Variants in HSF4 observed in about 807,000 individuals in gnomAD.
HSF4 encodes the protein heat shock factor protein 4.
A neutral mutation model predicts 52.0 loss-of-function variants in HSF4; 41 were observed. The observed-to-expected ratio is 0.79, with a 90% CI of 0.61 to 1.02. HSF4 has a LOEUF of 1.02. Ranked by LOEUF, HSF4 falls within the 50% of genes least tolerant of loss-of-function variation. HSF4 has a pLI of 0.00. For synonymous variants in HSF4, 285 were observed against 273.0 expected (o/e 1.04, Z -0.43); for missense variants, 610 against 651.1 (o/e 0.94, Z 0.69).
chr16:67,166,609 G>T lies in HSF4; in HGVS notation c.613G>T (p.Gly205Cys). The T allele has an allele frequency of 1.2e-6, 2 of 1,613,894 alleles. No homozygotes were observed. Among genetic ancestry groups the T allele is most frequent in the Non-Finnish European group, 8.5e-7 (1 of 1,179,962 alleles). The change falls in exon 6 of 13, where the codon GGC becomes TGC. Residue 205 changes from glycine (G) to cysteine (C), a missense_variant. By Grantham distance (159) the Gly-to-Cys change is radical. Transcript: ENST00000521374. ...PLQAGPSNAGGKRKLSLMLDE... is the reference protein window; with the variant it reads ...PLQAGPSNAGCKRKLSLMLDE... Reference sequence around the variant, plus strand: ...TCAGGCGGGGCCGAGCAATGCAGGAGGCAAGAGAAAGCTGTGAGTGAGAAA... The same window carrying T: ...TCAGGCGGGGCCGAGCAATGCAGGATGCAAGAGAAAGCTGTGAGTGAGAAA...
At chr16:67,164,447 C>T (rs1438210147), upstream of HSF4, 1 of 502,452 alleles carries the variant, frequency 2.0e-6, no homozygotes, top group Admixed American at 2.3e-5. Context: ...CTAGGACTTG[C>T]CCAGCCCACA....
Position 67,169,058 on chromosome 16 carries a change from G to T in HSF4, c.1211G>T (p.Gly404Val). 6.2e-7 allele frequency: 1 copy of T among 1,613,872 alleles called. No individual in the cohort carries two copies. Among genetic ancestry groups the T allele is most frequent in the South Asian group, 1.1e-5 (1 of 91,082 alleles). Residue 404 changes from glycine (G) to valine (V), a missense_variant, in exon 11 of 13, where the codon GGG becomes GTG. Coordinates refer to ENST00000521374, the MANE Select transcript of HSF4 (RefSeq NM_001374675.1). This position sits in a 1 kb window ranked among gnomAD's most constrained non-coding sequence, Gnocchi z 4.3. The part of the protein sequence containing the change: ...PLDVLGPSLQ[G>V]REWTLMDLDM... ...CAGGTGCTGGGCCCCAGTCTCCAAG[G>T]GCGAGAATGGACCCTGATGGACTTG...
rs759827672 is a variant in HSF4, at chr16:67,165,599, C to T, written c.201C>T (p.Asn67=). 2.5e-6 allele frequency: 4 copies of T among 1,613,250 alleles called. No individual in the cohort carries two copies. The highest frequency in any genetic ancestry group is 2.2e-5 in the East Asian group (1 of 44,864). Residue 67 remains asparagine, a synonymous_variant, in exon 2 of 13, where the codon AAC becomes AAT. Coordinates refer to ENST00000521374, the MANE Select transcript of HSF4 (RefSeq NM_001374675.1). The surrounding 1 kb of genome is among the most constrained non-coding windows in gnomAD (Gnocchi z 6.9). ...TGCCCCAGTATTTCAAGCATAGCAA[C>T]ATGGCGAGCTTCGTGCGCCAACTCA... The part of the protein sequence containing the change: ...EVLPQYFKHS[N]MASFVRQLNM...
Position 67,164,924 on chromosome 16 carries a change from G to A in HSF4, c.113G>A (p.Arg38His), listed in dbSNP as rs1422995371. 1 of 1,606,030 alleles carries A rather than the reference G, an allele frequency of 6.2e-7. No individual in the cohort carries two copies. Among genetic ancestry groups the A allele is most frequent in the African/African-American group, 1.3e-5 (1 of 74,984 alleles). The change falls in exon 1 of 13, where the codon CGC becomes CAC. Residue 38 changes from arginine (R) to histidine (H), a missense_variant. Physicochemically the swap from Arg to His is conservative, Grantham distance 29. Transcript: ENST00000521374. ...VGDPGTDHLI[R>H]WSPSGTSFLV... ...GACCCAGGCACAGACCACCTGATCCGCTGGAGCCCGGTGAGGGCCGGGGCC... is the reference window on the plus strand; with the variant it reads ...GACCCAGGCACAGACCACCTGATCCACTGGAGCCCGGTGAGGGCCGGGGCC...
In HSF4 at chr16:67,167,544, G is replaced by T. The variant is rs749518885; in HGVS notation, c.799G>T (p.Glu267Ter). ...GGGCCCCATCATCTCTGACATCCCA[G>T]AAGACTCTCCATCCCCTGAGGGGAC... is the stretch of plus-strand genomic sequence containing the variant. ...ARGPIISDIPEDSPSPEGTRL... is the reference protein window; with the variant it reads ...ARGPIISDIP Residue 267 changes from glutamate (E) to a stop codon, truncating the protein, a stop_gained, in exon 8 of 13, where the codon GAA becomes TAA. Coordinates refer to ENST00000521374, the MANE Select transcript of HSF4 (RefSeq NM_001374675.1). LOFTEE classifies it high-confidence loss of function. 1.9e-6 allele frequency: 3 copies of T among 1,613,790 alleles called. No individual in the cohort carries two copies. The highest frequency in any genetic ancestry group is 2.5e-6 in the Non-Finnish European group (3 of 1,179,998).
rs762303535 is a variant in HSF4 at position 67,167,101 on chromosome 16, G to T, written c.627-19G>T. The T allele has an allele frequency of 5.6e-6, 9 of 1,613,942 alleles. No homozygotes were observed. The highest frequency in any genetic ancestry group is 5.3e-5 in the African/African-American group (4 of 74,914). On this transcript the variant is annotated intron_variant, in intron 6 of 12. Coordinates refer to ENST00000521374, the MANE Select transcript of HSF4 (RefSeq NM_001374675.1). ...CTGACCCTGCCCCACCCCTGCCTGT[G>T]CCCTGATCGACCACACAGGTCCCTG...
chr16:67,168,480 AAAAG>A (rs1002012001), intron 9 of HSF4, among the ~76,000 whole-genome samples: 11 of 152,204 alleles, frequency 7.2e-5, no homozygotes, highest in East Asian at 5.8e-4. Context: ...CAAAAAAAAG[AAAAG>A]AAAGAAAGAA....
In HSF4 at chr16:67,169,296, A is replaced by AG; in HGVS notation, c.1273dup (p.Glu425GlyfsTer4). ...TCACGCAGATGCAGCCCTTGGTTCC[A>AG]GAGCGGGGTGAGCCTGAGCTGGCGG... On this transcript the variant is annotated frameshift_variant, in exon 12 of 13. Coordinates refer to ENST00000521374, the MANE Select transcript of HSF4 (RefSeq NM_001374675.1). LOFTEE classifies it high-confidence loss of function. The surrounding 1 kb of genome is among the most constrained non-coding windows in gnomAD (Gnocchi z 4.3). The AG allele has an allele frequency of 6.2e-7, 1 of 1,613,682 alleles. No individual in the cohort carries two copies.
chr16:67,163,851 A>G, upstream of HSF4: 3 of 1,516,646 alleles, frequency 2.0e-6, no homozygotes, highest in Non-Finnish European at 2.6e-6. Flanking sequence ...GTCCCCGTGG[A>G]CGTAAGCGCT....
Position 67,169,230 on chromosome 16 carries a change from C to A in HSF4, c.1255-49C>A. ...TCACAGTGATTTCCCAGCTGTCCCC[C>A]TCAGCTGCTAGGTCCCCTCCCCAGC... On this transcript the variant is annotated intron_variant, in intron 11 of 12. Transcript: ENST00000521374. The surrounding 1 kb of genome is among the most constrained non-coding windows in gnomAD (Gnocchi z 4.3). 6.2e-7 allele frequency: 1 copy of A among 1,610,338 alleles called. No homozygotes were observed. Among genetic ancestry groups the A allele is most frequent in the East Asian group, 2.2e-5 (1 of 44,824 alleles).
rs2031228239 is a variant in HSF4, at chr16:67,165,788, T to C, written c.302T>C (p.Phe101Ser). ...LLRPERDHVE[F>S]QHPSFVRGRE... ...AGGCCGGAGCGCGACCACGTCGAGTTCCAGCACCCGAGCTTCGTGCGCGGC... is the reference window on the plus strand; with the variant it reads ...AGGCCGGAGCGCGACCACGTCGAGTCCCAGCACCCGAGCTTCGTGCGCGGC... Residue 101 changes from phenylalanine to serine, a missense_variant, in exon 3 of 13, where the codon TTC (phenylalanine) becomes TCC (serine). Phe to Ser is a radical substitution (Grantham distance 155, BLOSUM62 -2). Transcript: ENST00000521374. This position sits in a 1 kb window ranked among gnomAD's most constrained non-coding sequence, Gnocchi z 6.9. 3 of 1,609,724 alleles carry C rather than the reference T, an allele frequency of 1.9e-6. No individual in the cohort carries two copies. Among genetic ancestry groups the C allele is most frequent in the Non-Finnish European group, 2.5e-6 (3 of 1,179,612 alleles).
At position 67,164,775 on chromosome 16, in the gene HSF4, G is replaced by C; in HGVS notation, c.-37G>C. 6.4e-7 allele frequency: 1 copy of C among 1,571,048 alleles called. No individual in the cohort carries two copies. The highest frequency in any genetic ancestry group is 1.1e-5 in the South Asian group (1 of 87,982). ...CCGCGGCTTTGACGAGCCCGCAGCG[G>C]CCGGGCCCGAGCGCAGAGCCGGGCC... On this transcript the variant is annotated 5_prime_UTR_variant, in exon 1 of 13. Transcript: ENST00000521374.
In HSF4 at chr16:67,167,919, C is replaced by T; in HGVS notation, c.1054C>T (p.Pro352Ser). ...GCCCAGGAATGCCCAACAGCCTGAA[C>T]CAGGGGATCCCAGGGAGATACCTGA... is the stretch of plus-strand genomic sequence containing the variant. ...EGPRNAQQPEPGDPREIPDRG... is the reference protein window; with the variant it reads ...EGPRNAQQPESGDPREIPDRG... The change falls in exon 9 of 13, where the codon CCA (proline) becomes TCA (serine). Residue 352 changes from proline to serine, a missense_variant. Transcript: ENST00000521374. The T allele has an allele frequency of 3.8e-6, 6 of 1,597,910 alleles. No homozygotes were observed. Among genetic ancestry groups the T allele is most frequent in the Non-Finnish European group, 5.1e-6 (6 of 1,176,620 alleles).
upstream of HSF4, chr16:67,164,250 T>G: frequency 2.4e-6 from 1 of 423,854 alleles, no homozygotes; most frequent in Non-Finnish European, 4.6e-6. Context: ...GGAGGAGCCA[T>G]CCCGGCAGAG....
At position 67,164,941 on chromosome 16, in the gene HSF4, GCCGGGGCCCCTCGATTCCCCCTGTGGTC is replaced by G. The variant is rs904509587; in HGVS notation, c.123+14_123+41del. On this transcript the variant is annotated splice_region_variant and intron_variant, in intron 1 of 12. Coordinates refer to ENST00000521374, the MANE Select transcript of HSF4 (RefSeq NM_001374675.1). ...CCTGATCCGCTGGAGCCCGGTGAGGGCCGGGGCCCCTCGATTCCCCCTGTGGTCCCGGGGTCCCTCCACGTCAGTGAAC... is the reference window on the plus strand; with the variant it reads ...CCTGATCCGCTGGAGCCCGGTGAGGGCCGGGGTCCCTCCACGTCAGTGAAC... 1 of 1,599,938 alleles carries G rather than the reference GCCGGGGCCCCTCGATTCCCCCTGTGGTC, an allele frequency of 6.3e-7. No individual in the cohort carries two copies. Among genetic ancestry groups the G allele is most frequent in the Non-Finnish European group, 8.5e-7 (1 of 1,176,056 alleles).
At chr16:67,166,870 C>T (rs1027574886) in intron 6 of HSF4, among the ~76,000 whole-genome samples, 1 of 152,108 alleles carries the variant, frequency 6.6e-6, no homozygotes, top group Non-Finnish European at 1.5e-5. Context: ...CTTCCCCCTC[C>T]GGCAAGGCTT....
chr16:67,164,021 G>A (rs1018733039), upstream of HSF4: 40 of 766,020 alleles, frequency 5.2e-5, no homozygotes, highest in Admixed American at 4.2e-4. Flanking sequence ...CTCTGCAGAC[G>A]CCCCACCCGC....
rs571775017 is a variant in HSF4 at position 67,164,859 on chromosome 16, C to G, written c.48C>G (p.Pro16=). The part of the protein sequence containing the change: ...AALPTEPGPS[P]VPAFLGKLWA... ...TGCCCACGGAGCCAGGCCCCAGCCC[C>G]GTGCCTGCCTTCCTCGGCAAGCTAT... is the stretch of plus-strand genomic sequence containing the variant. The change falls in exon 1 of 13, where the codon CCC becomes CCG. Residue 16 remains proline (P), a synonymous_variant. Transcript: ENST00000521374. 4 of 1,606,238 alleles carry G rather than the reference C, an allele frequency of 2.5e-6. No homozygotes were observed. The highest frequency in any genetic ancestry group is 2.5e-6 in the Non-Finnish European group (3 of 1,178,804).
chr16:67,167,328 C>T (rs1198013089), intron 7 of HSF4, 106 bp downstream of exon 7: 3 of 1,609,076 alleles, frequency 1.9e-6, no homozygotes, highest in African/African-American at 1.3e-5. Flanking sequence ...GCCAGCCTTC[C>T]CCCCAACCAG....
Sources: gnomAD v4.1 joint callset for allele counts (sites outside exome capture counted in the v4.1 genomes callset) on GRCh38, gnomAD v4.1.1 for gene constraint, Gnocchi (gnomAD v3.1) non-coding constraint, MANE v1.5 for transcripts, NCBI Gene and HGNC (gene_info 2026-07-23, HGNC 2026-07-21) for gene names.